RBFOX1: variants seen among roughly 807,000 people sequenced by gnomAD.
RBFOX1 encodes RNA binding fox-1 homolog 1, also known as RNA binding protein fox-1 homolog 1.
Under a neutral mutation model 57.7 loss-of-function variants are expected in RBFOX1, and 8 were observed. That is an observed-to-expected ratio of 0.14 (90% CI 0.08 to 0.25). The LOEUF is 0.25. Among genes scored for constraint, RBFOX1 ranks in the 10% least tolerant of loss-of-function variants. The pLI is 1.00. For synonymous variants in RBFOX1, 326 were observed against 222.4 expected, an observed-to-expected ratio of 1.47 and a Z score of -4.15; for missense variants, 611 against 548.5, an observed-to-expected ratio of 1.11 and a Z score of -1.14.
intron 2 of RBFOX1, among the ~76,000 whole-genome samples, chr16:6,435,521 C>T (rs963664846): frequency 6.6e-6 from 1 of 152,152 alleles, no homozygotes; most frequent in Non-Finnish European, 1.5e-5. Context: ...CCAGGCTCGC[C>T]TTGAACTCCT....
chr16:6,901,637 G>C (rs112569309), intron 3 of RBFOX1, among the ~76,000 whole-genome samples: 2,389 of 152,268 alleles, frequency 0.016, 67 homozygotes, highest in African/African-American at 0.054. Flanking sequence ...TCTGTTTCTG[G>C]TAACCTTCAA....
intron 3 of RBFOX1, among the ~76,000 whole-genome samples, chr16:7,029,257 C>CGTATACGTATATATATACACAT (rs2042150020): frequency 4.6e-5 from 1 of 21,942 alleles, no homozygotes; most frequent in African/African-American, 1.4e-4. Context: ...TATATACACA[C>CGTATACGTATATATATACACAT]ATATATATAC....
At chr16:6,285,948 A>G (rs1282811071) in intron 1 of RBFOX1, among the ~76,000 whole-genome samples, 2 of 152,200 alleles carry the variant, frequency 1.3e-5, no homozygotes, top group African/African-American at 2.4e-5. Context: ...TAAAAGTGGG[A>G]TAACACACAG....
chr16:6,542,319 C>G (rs2096832088), intron 2 of RBFOX1, among the ~76,000 whole-genome samples: 1 of 151,846 alleles, frequency 6.6e-6, no homozygotes, highest in Non-Finnish European at 1.5e-5. Flanking sequence ...TTGAGTAGCA[C>G]CTCACACAGG....
At chr16:7,482,706 C>A (rs2064309701) in intron 4 of RBFOX1, among the ~76,000 whole-genome samples, 2 of 151,858 alleles carry the variant, frequency 1.3e-5, no homozygotes, top group Admixed American at 1.3e-4. Context: ...CACTTCGAAT[C>A]CACAATGATG....
At chr16:6,982,234 G>T (rs1052633686) in intron 3 of RBFOX1, among the ~76,000 whole-genome samples, 1 of 152,122 alleles carries the variant, frequency 6.6e-6, no homozygotes, top group African/African-American at 2.4e-5. Context: ...GGTACCCGGG[G>T]AGAAATGTAG....
At position 6,646,132 on chromosome 16, in the gene RBFOX1, T is replaced by C. The variant is rs140325395; in HGVS notation, c.-63-8471T>C. Reference sequence around the variant, plus strand: ...TAGTTGAGCTGTTTTCCAAGCGAAGTGGTCGAGTGGGGCTGAAGTACTTAC... The same window carrying C: ...TAGTTGAGCTGTTTTCCAAGCGAAGCGGTCGAGTGGGGCTGAAGTACTTAC... On this transcript the variant is annotated intron_variant, in intron 2 of 15. Transcript: ENST00000550418. 4.7e-4 allele frequency among the ~76,000 whole-genome samples: 71 copies of C among 152,216 alleles called. 1 individual carries two copies. The highest frequency in any genetic ancestry group is 1.6e-3 in the African/African-American group (66 of 41,522).
chr16:5,905,988 A>C (rs2058446276), intron 4 of RBFOX1, among the ~76,000 whole-genome samples: 1 of 152,192 alleles, frequency 6.6e-6, no homozygotes, highest in African/African-American at 2.4e-5. Flanking sequence ...TGTGGTTTTC[A>C]GGCTGAGTCC....
intron 14 of RBFOX1, among the ~76,000 whole-genome samples, chr16:7,691,223 G>A (rs2077246859): frequency 6.6e-6 from 1 of 152,018 alleles, no homozygotes; most frequent in Non-Finnish European, 1.5e-5. Context: ...TGAAACAGAT[G>A]TGAATTTGTA....
At chr16:7,371,473 G>C (rs77077714) in intron 4 of RBFOX1, among the ~76,000 whole-genome samples, 1,900 of 152,342 alleles carry the variant, frequency 0.012, 41 homozygotes, top group African/African-American at 0.044. Flanking sequence ...TATATGGCCA[G>C]GTGCGGTGGC....
At chr16:7,055,525 C>G (rs757697509) in intron 4 of RBFOX1, among the ~76,000 whole-genome samples, 2 of 152,140 alleles carry the variant, frequency 1.3e-5, no homozygotes, top group Non-Finnish European at 2.9e-5. Context: ...GCAGCACTCT[C>G]ATCAGAAGGA....
At chr16:6,028,876 G>A (rs1027640048) in intron 1 of RBFOX1, among the ~76,000 whole-genome samples, 3 of 152,194 alleles carry the variant, frequency 2.0e-5, no homozygotes, top group Admixed American at 6.5e-5. Context: ...GCCAAGGTGC[G>A]AAAGGACAAA....
chr16:6,114,359 C>A (rs189993809), intron 1 of RBFOX1, among the ~76,000 whole-genome samples: 1 of 152,034 alleles, frequency 6.6e-6, no homozygotes, highest in African/African-American at 2.4e-5. Context: ...ATATCTCATG[C>A]GGCATTAAAT....
At position 6,721,264 on chromosome 16, in the gene RBFOX1, A is replaced by G. The variant is rs539011022; in HGVS notation, c.-16+66614A>G. Reference sequence around the variant, plus strand: ...TTGAGACCAGTCTGGCCAACATGGTAAAACCCTGTCTGTACTAAAACTACA... The same window carrying G: ...TTGAGACCAGTCTGGCCAACATGGTGAAACCCTGTCTGTACTAAAACTACA... On this transcript the variant is annotated intron_variant, in intron 3 of 15. Coordinates refer to ENST00000550418, the MANE Select transcript of RBFOX1 (RefSeq NM_018723.4). Among the ~76,000 whole-genome samples the G allele has an allele frequency of 4.6e-5, 7 of 152,210 alleles. No individual in the cohort carries two copies. In the South Asian group the frequency reaches 1.5e-3, roughly 32 times the overall value.
At chr16:7,372,136 A>G (rs918061139) in intron 4 of RBFOX1, among the ~76,000 whole-genome samples, 26 of 152,142 alleles carry the variant, frequency 1.7e-4, no homozygotes, top group African/African-American at 6.0e-4. Flanking sequence ...ACTTCCATTT[A>G]AAGATGTGAT....
chr16:6,968,997 G>C (rs1048192981), intron 3 of RBFOX1, among the ~76,000 whole-genome samples: 2 of 152,014 alleles, frequency 1.3e-5, no homozygotes, highest in East Asian at 3.9e-4. Context: ...AGATATCTGA[G>C]CAAAGTCAGA....
At chr16:6,915,659 T>C (rs927817241) in intron 3 of RBFOX1, among the ~76,000 whole-genome samples, 1 of 149,086 alleles carries the variant, frequency 6.7e-6, no homozygotes, top group African/African-American at 2.5e-5. Context: ...CAAGTGATCC[T>C]CCTGCCTCAG....
intron 11 of RBFOX1, among the ~76,000 whole-genome samples, chr16:7,631,629 G>A (rs778015619): frequency 6.6e-6 from 1 of 152,178 alleles, no homozygotes; most frequent in Non-Finnish European, 1.5e-5. Context: ...GAGTCTGGGT[G>A]CCTGGAGTGG....
chr16:5,812,783 A>T (rs1296269104), intron 3 of RBFOX1, among the ~76,000 whole-genome samples: 1 of 152,094 alleles, frequency 6.6e-6, no homozygotes, highest in African/African-American at 2.4e-5. Context: ...TAAATGTTAG[A>T]CATTCTTACA....
Sources: allele counts gnomAD v4.1 joint callset (sites outside exome capture counted in the v4.1 genomes callset), GRCh38; gene constraint gnomAD v4.1.1; transcripts MANE v1.5; gene names NCBI Gene and HGNC (gene_info 2026-07-23, HGNC 2026-07-21).